The following MINDY3 variants were observed in gnomAD, a reference collection of about 807,000 sequenced individuals.
The protein encoded by MINDY3 is MINDY lysine 48 deubiquitinase 3.
Under a neutral mutation model 69.2 loss-of-function variants are expected in MINDY3, and 38 were observed. The observed-to-expected ratio is 0.55, with a 90% confidence interval of 0.42 to 0.72. The LOEUF is 0.72. Ranked by LOEUF, MINDY3 falls within the 30% of genes least tolerant of loss-of-function variation. MINDY3 has a pLI of 0.00. For missense variants in MINDY3, 522 were observed against 519.0 expected (o/e 1.01, Z -0.06); for synonymous variants, 192 against 180.1 (o/e 1.07, Z -0.53).
intron 10 of MINDY3, among the ~76,000 whole-genome samples, chr10:15,816,260 C>CAAA (rs1164005904): frequency 7.5e-5 from 2 of 26,798 alleles, no homozygotes; most frequent in African/African-American, 1.6e-4. Context: ...GACTCCATCT[C>CAAA]AAAAAAAAAA....
At chr10:15,855,696 C>T (rs906997802) in intron 1 of MINDY3, among the ~76,000 whole-genome samples, 2 of 152,074 alleles carry the variant, frequency 1.3e-5, no homozygotes, top group South Asian at 2.1e-4. Flanking sequence ...GACAACTATA[C>T]CTTCTACAAT....
At chr10:15,799,449 A>G (rs146332995) in intron 10 of MINDY3, among the ~76,000 whole-genome samples, 2,815 of 152,170 alleles carry the variant, frequency 0.018, 85 homozygotes, top group African/African-American at 0.061. Context: ...CACCCACCTC[A>G]GGTTCCTAAA....
At chr10:15,826,663 T>C (rs1043422897) in intron 8 of MINDY3, among the ~76,000 whole-genome samples, 6 of 152,216 alleles carry the variant, frequency 3.9e-5, no homozygotes, top group Admixed American at 2.0e-4. Flanking sequence ...TGCTAATGAA[T>C]ATCAAAGTAT....
rs1044626117 is a variant in MINDY3, at chr10:15,843,100, G to C, written c.235+112C>G. The C allele has an allele frequency of 4.7e-6, 4 of 848,076 alleles. No individual in the cohort carries two copies. The African/African-American group carries it at 6.8e-5, about 15-fold the overall frequency. 52.5% of individuals were successfully genotyped at this position (848,076 alleles called of 1,614,324 possible). On this transcript the variant is annotated intron_variant, in intron 3 of 14. Coordinates refer to ENST00000277632, the MANE Select transcript of MINDY3 (RefSeq NM_024948.4). The stretch of plus-strand genomic sequence containing the variant: ...TGAAACTTTCTAAAACATTTTAAAA[G>C]GAAACCTCAGGAAAAAAAATTCCCA...
At chr10:15,805,153 C>T (rs1439510173) in intron 10 of MINDY3, among the ~76,000 whole-genome samples, 1 of 152,094 alleles carries the variant, frequency 6.6e-6, no homozygotes, top group African/African-American at 2.4e-5. Context: ...CGTAATCGAC[C>T]AACTAACTTT....
At chr10:15,822,562 G>A (rs577894718) in intron 8 of MINDY3, among the ~76,000 whole-genome samples, 11 of 152,152 alleles carry the variant, frequency 7.2e-5, no homozygotes, top group Admixed American at 1.3e-4. Context: ...TCTGGTCTGG[G>A]GGGACATGAT....
At chr10:15,801,808 T>C (rs1838280133) in intron 10 of MINDY3, among the ~76,000 whole-genome samples, 1 of 151,988 alleles carries the variant, frequency 6.6e-6, no homozygotes, top group African/African-American at 2.4e-5. Flanking sequence ...CCAGATATTG[T>C]GCATGAGTTC....
chr10:15,814,706 G>A (rs1158351281), intron 10 of MINDY3, among the ~76,000 whole-genome samples: 2 of 152,180 alleles, frequency 1.3e-5, no homozygotes, highest in East Asian at 1.9e-4. Flanking sequence ...CATGGGACAC[G>A]CAGAAAACAG....
intron 11 of MINDY3, among the ~76,000 whole-genome samples, chr10:15,795,725 G>T (rs1837767468): frequency 6.6e-6 from 1 of 151,976 alleles, no homozygotes; most frequent in Non-Finnish European, 1.5e-5. Flanking sequence ...CTTTATCCTG[G>T]GAGGTCAATT....
At chr10:15,798,369 T>C (rs1236064448) in intron 10 of MINDY3, among the ~76,000 whole-genome samples, 2 of 152,058 alleles carry the variant, frequency 1.3e-5, no homozygotes, top group African/African-American at 4.8e-5. Flanking sequence ...ATAGAAGGTT[T>C]AGATCAGATT....
At chr10:15,780,833 C>A (rs1319051965) in intron 14 of MINDY3, among the ~76,000 whole-genome samples, 1 of 152,044 alleles carries the variant, frequency 6.6e-6, no homozygotes, top group African/African-American at 2.4e-5. Context: ...ACTTATACTA[C>A]ATACAGGTAG....
intron 5 of MINDY3, chr10:15,837,537 C>T: frequency 7.0e-7 from 1 of 1,434,646 alleles, no homozygotes. Context: ...AGAAAGAACA[C>T]CTACTTGGCA....
intron 9 of MINDY3, among the ~76,000 whole-genome samples, chr10:15,819,407 C>T (rs1268451131): frequency 6.6e-6 from 1 of 152,154 alleles, no homozygotes; most frequent in Non-Finnish European, 1.5e-5. Flanking sequence ...GCCAGTCATT[C>T]CCTTGCAAAA....
chr10:15,822,565 G>A (rs1399137846), intron 8 of MINDY3, among the ~76,000 whole-genome samples: 2 of 152,156 alleles, frequency 1.3e-5, no homozygotes, highest in Non-Finnish European at 2.9e-5. Context: ...GGTCTGGGGG[G>A]ACATGATAAA....
chr10:15,799,766 A>C (rs1285532290), intron 10 of MINDY3, among the ~76,000 whole-genome samples: 1 of 152,080 alleles, frequency 6.6e-6, no homozygotes, highest in Non-Finnish European at 1.5e-5. Context: ...CAGAAGAATG[A>C]ATTTGATTTT....
intron 8 of MINDY3, 98 bp from the exon 9 acceptor site, chr10:15,821,824 C>T (rs1839789697): frequency 2.2e-6 from 2 of 905,372 alleles, no homozygotes; most frequent in Admixed American, 5.5e-5. Context: ...ATTTATACTA[C>T]ACCAAAACTT....
At chr10:15,820,133 G>A (rs1839655147) in intron 9 of MINDY3, among the ~76,000 whole-genome samples, 1 of 152,170 alleles carries the variant, frequency 6.6e-6, no homozygotes, top group Non-Finnish European at 1.5e-5. Flanking sequence ...ATTAAATATT[G>A]TGGAAAAGAA....
At chr10:15,858,805 A>G (rs1564541529) in intron 1 of MINDY3, among the ~76,000 whole-genome samples, 2 of 152,136 alleles carry the variant, frequency 1.3e-5, no homozygotes, top group African/African-American at 4.8e-5. Flanking sequence ...ATGGAAGTAA[A>G]TTTTTTCTTA....
At chr10:15,789,793 C>T (rs1015904543) in intron 11 of MINDY3, among the ~76,000 whole-genome samples, 2 of 152,018 alleles carry the variant, frequency 1.3e-5, no homozygotes, top group African/African-American at 4.8e-5. Flanking sequence ...GACAGATTAA[C>T]AGCAAAGGTA....
Sources: gnomAD v4.1 joint callset for allele counts (sites outside exome capture counted in the v4.1 genomes callset) on GRCh38, gnomAD v4.1.1 for gene constraint, MANE v1.5 for transcripts, NCBI Gene and HGNC (gene_info 2026-07-23, HGNC 2026-07-21) for gene names.